Variants in SGPP2 observed in about 807,000 individuals in gnomAD.
The protein encoded by SGPP2 is sphingosine 1-phosphate phosphohydrolase 2.
In SGPP2, 30 loss-of-function variants were observed where a neutral mutation model predicts 33.9. The ratio of observed to expected loss-of-function variants is 0.89; its 90% confidence interval spans 0.66 to 1.20. The LOEUF is 1.20. Among genes scored for constraint, SGPP2 ranks in the 50% most tolerant of loss-of-function variants. The probability of loss-of-function intolerance (pLI) is 0.00; values close to 1 mark genes in which losing one functional copy is unlikely to be tolerated. For synonymous variants in SGPP2, 233 were observed against 225.0 expected (o/e 1.04, Z -0.32); for missense variants, 458 against 532.1 (o/e 0.86, Z 1.37).
intron 1 of SGPP2, chr2:222,452,796 G>A (rs1574838193): frequency 1.3e-6 from 2 of 1,563,632 alleles, no homozygotes; most frequent in Admixed American, 3.3e-5. Flanking sequence ...GTAGGTAGGT[G>A]CTGAGGCCTG....
chr2:222,471,755 T>C (rs1697846953), intron 1 of SGPP2, among the ~76,000 whole-genome samples: 1 of 152,224 alleles, frequency 6.6e-6, no homozygotes, highest in African/African-American at 2.4e-5. Flanking sequence ...AAAATCTCCC[T>C]GTAACAGTGT....
intron 4 of SGPP2, among the ~76,000 whole-genome samples, chr2:222,555,538 A>C (rs572254583): frequency 7.0e-6 from 1 of 142,992 alleles, no homozygotes; most frequent in East Asian, 2.0e-4. Flanking sequence ...GGAAATGTTT[A>C]GCATTCAATC....
chr2:222,541,057 T>C (rs940718267), intron 4 of SGPP2, among the ~76,000 whole-genome samples: 1 of 152,134 alleles, frequency 6.6e-6, no homozygotes, highest in Non-Finnish European at 1.5e-5. Flanking sequence ...GACCTCGTGA[T>C]CCACCCGCCT....
In SGPP2 at chr2:222,424,826, C is replaced by T. The variant is rs1697035507; in HGVS notation, c.219+5C>T. The stretch of plus-strand genomic sequence containing the variant: ...CGCAGAGCCGCGGCGCCGGAGGTAA[C>T]CATGGGCAGGTGTTCGCCGGGTACG... On this transcript the variant is annotated splice_donor_5th_base_variant and intron_variant, in intron 1 of 4. Coordinates refer to ENST00000321276, the MANE Select transcript of SGPP2 (RefSeq NM_152386.4). 7.4e-7 allele frequency: 1 copy of T among 1,354,588 alleles called. No individual in the cohort carries two copies. The highest frequency in any genetic ancestry group is 9.5e-7 in the Non-Finnish European group (1 of 1,055,936). The allele number at this position is 1,354,588 out of a possible 1,614,324, so 83.9% of individuals were successfully genotyped here. A position where few individuals can be genotyped will look rare whatever the true frequency, so the allele number is the denominator to read the frequency against.
chr2:222,500,018 T>A lies in SGPP2; in HGVS notation c.379-21749T>A, dbSNP rs534781280. On this transcript the variant is annotated intron_variant, in intron 2 of 4. Coordinates refer to ENST00000321276, the MANE Select transcript of SGPP2 (RefSeq NM_152386.4). ...AGGGTGTTACCAGCAGGAAGAATTATGCATTAAGGCCAAAAGAATTGTTCT... is the reference window on the plus strand; with the variant it reads ...AGGGTGTTACCAGCAGGAAGAATTAAGCATTAAGGCCAAAAGAATTGTTCT... Among the ~76,000 whole-genome samples, 5 of 152,310 alleles carry A rather than the reference T, an allele frequency of 3.3e-5. No individual in the cohort carries two copies. The South Asian group carries it at 8.3e-4, about 25-fold the overall frequency.
At chr2:222,518,037 T>C (rs867354639) in intron 2 of SGPP2, among the ~76,000 whole-genome samples, 11 of 152,346 alleles carry the variant, frequency 7.2e-5, no homozygotes, top group Middle Eastern at 3.4e-3. Context: ...GGGGACCTAA[T>C]ACAAGGCTTG....
intron 4 of SGPP2, among the ~76,000 whole-genome samples, chr2:222,557,666 G>C (rs1251870246): frequency 6.6e-6 from 1 of 152,148 alleles, no homozygotes; most frequent in Non-Finnish European, 1.5e-5. Flanking sequence ...ATTTTAAGCA[G>C]GGAAGGAAGG....
At chr2:222,525,164 C>A in intron 4 of SGPP2, 131 bp downstream of exon 4, 1 of 633,820 alleles carries the variant, frequency 1.6e-6, no homozygotes, top group Non-Finnish European at 2.7e-6. Flanking sequence ...CATGCCAATG[C>A]ATTAAGTAAT....
intron 2 of SGPP2, among the ~76,000 whole-genome samples, chr2:222,501,812 G>A (rs1279438500): frequency 6.6e-6 from 1 of 152,200 alleles, no homozygotes; most frequent in Non-Finnish European, 1.5e-5. Flanking sequence ...CAAATTGTGA[G>A]ACATATTAGA....
chr2:222,440,389 G>T (rs1697306984), intron 1 of SGPP2, among the ~76,000 whole-genome samples: 1 of 151,702 alleles, frequency 6.6e-6, no homozygotes, highest in African/African-American at 2.4e-5. Context: ...TGTTGCCCAG[G>T]CTGGAGTGCA....
rs886652837 is a variant in SGPP2 at position 222,521,748 on chromosome 2, C to T, written c.379-19C>T. On this transcript the variant is annotated intron_variant, in intron 2 of 4. Coordinates refer to ENST00000321276, the MANE Select transcript of SGPP2 (RefSeq NM_152386.4). ...TTTCCTTATTTGATTAGACTTACCT[C>T]AGTCCTTTGGTTTTGCAGTTGGTGA... is the stretch of plus-strand genomic sequence containing the variant. 11 of 1,593,020 alleles carry T rather than the reference C, an allele frequency of 6.9e-6. No homozygotes were observed. In the African/African-American group the frequency reaches 1.2e-4, roughly 18 times the overall value.
At chr2:222,554,738 A>G (rs1689358335) in intron 4 of SGPP2, among the ~76,000 whole-genome samples, 1 of 152,166 alleles carries the variant, frequency 6.6e-6, no homozygotes. Flanking sequence ...GAGCAACTAT[A>G]CTGGGAACCT....
chr2:222,424,546 AG>A lies in SGPP2; in HGVS notation c.-56del. 1 of 1,124,404 alleles carries A rather than the reference AG, an allele frequency of 8.9e-7. No individual in the cohort carries two copies. The highest frequency in any genetic ancestry group is 1.1e-6 in the Non-Finnish European group (1 of 897,362). The allele number at this position is 1,124,404 out of a possible 1,614,324, so 69.7% of individuals were successfully genotyped here. A position where few individuals can be genotyped will look rare whatever the true frequency, so the allele number is the denominator to read the frequency against. On this transcript the variant is annotated 5_prime_UTR_variant, in exon 1 of 5. Transcript: ENST00000321276. ...GGGGCGAGGCGGGAGTGGCGGTGCC[AG>A]CGGAGGGCACCGGCCCGGCGTGGCA...
chr2:222,512,038 A>G (rs1171276413), intron 2 of SGPP2, among the ~76,000 whole-genome samples: 1 of 151,174 alleles, frequency 6.6e-6, no homozygotes, highest in Non-Finnish European at 1.5e-5. Context: ...ATTTTGAGAC[A>G]GAGTCTTGCT....
chr2:222,444,166 G>A (rs1355162873), intron 1 of SGPP2, among the ~76,000 whole-genome samples: 1 of 152,184 alleles, frequency 6.6e-6, no homozygotes, highest in Non-Finnish European at 1.5e-5. Flanking sequence ...GGAGACAAGG[G>A]ACCTTGGGAC....
chr2:222,441,331 A>G (rs1697322438), intron 1 of SGPP2, among the ~76,000 whole-genome samples: 1 of 152,234 alleles, frequency 6.6e-6, no homozygotes, highest in Non-Finnish European at 1.5e-5. Flanking sequence ...TTTGTCAAAT[A>G]TCCAATTGTA....
Position 222,465,940 on chromosome 2 carries a change from T to C in SGPP2, c.220-8628T>C, listed in dbSNP as rs530997018. Among the ~76,000 whole-genome samples the C allele has an allele frequency of 3.9e-5, 6 of 152,264 alleles. No individual in the cohort carries two copies. Among genetic ancestry groups the C allele is most frequent in the South Asian group, 2.1e-4 (1 of 4,826 alleles). On this transcript the variant is annotated intron_variant, in intron 1 of 4. Transcript: ENST00000321276. This position sits in a 1 kb window ranked among gnomAD's most constrained non-coding sequence, Gnocchi z 4.1. ...TGTGGCAAGCATCCCCAGACACACA[T>C]TGATCACTTTGTAACCCATTTCCTG...
In SGPP2 at chr2:222,497,537, G is replaced by A. The variant is rs577524168; in HGVS notation, c.378+22811G>A. ...ACTGGGATTACAGGCACGAGCCACCGCACCTAGCAGATCTCTTTCTTAACC... is the reference window on the plus strand; with the variant it reads ...ACTGGGATTACAGGCACGAGCCACCACACCTAGCAGATCTCTTTCTTAACC... On this transcript the variant is annotated intron_variant, in intron 2 of 4. Transcript: ENST00000321276. Among the ~76,000 whole-genome samples the A allele has an allele frequency of 3.3e-5, 5 of 152,194 alleles. No individual in the cohort carries two copies. In the South Asian group the frequency reaches 6.2e-4, roughly 19 times the overall value.
chr2:222,538,373 T>C (rs112067049), intron 4 of SGPP2, among the ~76,000 whole-genome samples: 32 of 152,320 alleles, frequency 2.1e-4, no homozygotes, highest in Non-Finnish European at 4.7e-4. Flanking sequence ...GAGAGATTTC[T>C]TGTAGAGAAA....
Sources: gnomAD v4.1 joint callset for allele counts (sites outside exome capture counted in the v4.1 genomes callset) on GRCh38, gnomAD v4.1.1 for gene constraint, Gnocchi (gnomAD v3.1) non-coding constraint, MANE v1.5 for transcripts, NCBI Gene and HGNC (gene_info 2026-07-23, HGNC 2026-07-21) for gene names.